Variants in ANKHD1 observed in about 807,000 individuals in gnomAD.
The protein encoded by ANKHD1 is ankyrin repeat and KH domain containing 1, also known as ankyrin repeat and KH domain-containing protein 1.
ANKHD1 carries 31 observed loss-of-function variants against 230.5 expected under a neutral mutation model. The ratio of observed to expected loss-of-function variants is 0.13; its 90% CI spans 0.10 to 0.18. The LOEUF (loss-of-function observed/expected upper bound fraction) is 0.18, where lower values mean the gene tolerates loss of function less well. ANKHD1 is among the 10% of genes least tolerant of loss of function. ANKHD1 has a pLI of 1.00. For missense variants in ANKHD1, 2,256 were observed against 3,071.3 expected, an observed-to-expected ratio of 0.73 and a Z score of 6.27; for synonymous variants, 1,074 against 1,117.6, an observed-to-expected ratio of 0.96 and a Z score of 0.78.
Position 140,485,545 on chromosome 5 carries a change from T to C in ANKHD1, c.1999-44T>C. 6.2e-7 allele frequency: 1 copy of C among 1,608,640 alleles called. No homozygotes were observed. Among genetic ancestry groups the C allele is most frequent in the Non-Finnish European group, 8.5e-7 (1 of 1,177,768 alleles). On this transcript the variant is annotated intron_variant, in intron 12 of 33. Transcript: ENST00000360839. The surrounding 1 kb of genome is among the most constrained non-coding windows in gnomAD (Gnocchi z 4.8). ...TGAGTTTTGATTTTATATGAGCTGC[T>C]AAGAAACTATAAAGAATTAATTATC...
rs566691360 is a variant in ANKHD1 at position 140,522,748 on chromosome 5, G to C, written c.4318-1318G>C. On this transcript the variant is annotated intron_variant, in intron 24 of 33. Coordinates refer to ENST00000360839, the MANE Select transcript of ANKHD1 (RefSeq NM_017747.3). ...TATTTGAAGGATTGAAGGAGTGCCA[G>C]ATTGTTTTCCAAAGTGGCTGTACCA... 2.6e-5 allele frequency among the ~76,000 whole-genome samples: 4 copies of C among 152,286 alleles called. No individual in the cohort carries two copies. In the South Asian group the frequency reaches 6.2e-4, roughly 24 times the overall value.
Position 140,402,277 on chromosome 5 carries a change from A to G in ANKHD1, c.306+4A>G. Reference sequence around the variant, plus strand: ...TGACGAGGACGAAGTGTCCGAGGTAAGGCTCCGGGACCCTCGCCTCCCACA... The same window carrying G: ...TGACGAGGACGAAGTGTCCGAGGTAGGGCTCCGGGACCCTCGCCTCCCACA... On this transcript the variant is annotated splice_donor_region_variant and intron_variant, in intron 1 of 33. Coordinates refer to ENST00000360839, the MANE Select transcript of ANKHD1 (RefSeq NM_017747.3). 2.7e-6 allele frequency: 4 copies of G among 1,479,520 alleles called. No individual in the cohort carries two copies. Among genetic ancestry groups the G allele is most frequent in the South Asian group, 1.3e-5 (1 of 77,052 alleles). 91.6% of individuals were successfully genotyped at this position (1,479,520 alleles called of 1,614,324 possible). A position where few individuals can be genotyped will look rare whatever the true frequency, so the allele number is the denominator to read the frequency against.
At chr5:140,450,652 G>A (rs1004687787) in intron 7 of ANKHD1, among the ~76,000 whole-genome samples, 9 of 151,952 alleles carry the variant, frequency 5.9e-5, no homozygotes, top group East Asian at 5.8e-4. Flanking sequence ...CAGTCCTCTC[G>A]CCTCAGCTTC....
chr5:140,510,297 T>C (rs1752702494), intron 22 of ANKHD1, 116 bp downstream of exon 22: 5 of 1,154,342 alleles, frequency 4.3e-6, no homozygotes, highest in Middle Eastern at 4.5e-4. Flanking sequence ...AAATCACTGC[T>C]ATCTTTCCAT....
chr5:140,432,854 C>G (rs1350916995), intron 1 of ANKHD1, among the ~76,000 whole-genome samples: 1 of 152,038 alleles, frequency 6.6e-6, no homozygotes, highest in East Asian at 1.9e-4. Flanking sequence ...CAGTTTTATG[C>G]CATGACGCTA....
At chr5:140,458,080 A>G (rs1199056335) in intron 7 of ANKHD1, among the ~76,000 whole-genome samples, 1 of 152,224 alleles carries the variant, frequency 6.6e-6, no homozygotes, top group African/African-American at 2.4e-5. Context: ...TAGGAAAAAT[A>G]TAGGATGGTG....
intron 1 of ANKHD1, among the ~76,000 whole-genome samples, chr5:140,433,066 A>ACC (rs1773178859): frequency 1.4e-5 from 2 of 141,474 alleles, no homozygotes; most frequent in African/African-American, 5.7e-5. Context: ...CCCCCCCCAA[A>ACC]AAAAAAACGG....
chr5:140,428,958 G>A (rs957391812), intron 1 of ANKHD1, among the ~76,000 whole-genome samples: 8 of 151,380 alleles, frequency 5.3e-5, no homozygotes, highest in African/African-American at 1.5e-4. Context: ...AATTTTTTTT[G>A]TATTTTTAGT....
intron 1 of ANKHD1, among the ~76,000 whole-genome samples, chr5:140,417,040 G>A (rs901726213): frequency 1.3e-5 from 2 of 152,086 alleles, no homozygotes; most frequent in African/African-American, 4.8e-5. Context: ...CTATGATGGA[G>A]AGGCTGCCAG....
Position 140,527,740 on chromosome 5 carries a change from CTT to C in ANKHD1, c.5088-130_5088-129del. On this transcript the variant is annotated intron_variant, in intron 27 of 33. Transcript: ENST00000360839. The surrounding 1 kb of genome is among the most constrained non-coding windows in gnomAD (Gnocchi z 4.5). ...AAGAGATCAATTTCTAAAATAAAAA[CTT>C]TTAATAATTTCCTCTTTAGCATTTA... 1 of 1,156,044 alleles carries C rather than the reference CTT, an allele frequency of 8.7e-7. No homozygotes were observed. The highest frequency in any genetic ancestry group is 3.0e-5 in the East Asian group (1 of 33,892). 71.6% of individuals were successfully genotyped at this position (1,156,044 alleles called of 1,614,324 possible).
At chr5:140,471,466 A>G (rs1776492767) in intron 10 of ANKHD1, among the ~76,000 whole-genome samples, 1 of 152,186 alleles carries the variant, frequency 6.6e-6, no homozygotes, top group South Asian at 2.1e-4. Flanking sequence ...AGTGAGCCTT[A>G]ACAGTTAGCT....
chr5:140,506,986 T>C lies in ANKHD1; in HGVS notation c.3551+9T>C. 1 of 1,611,758 alleles carries C rather than the reference T, an allele frequency of 6.2e-7. No homozygotes were observed. Among genetic ancestry groups the C allele is most frequent in the Non-Finnish European group, 8.5e-7 (1 of 1,179,278 alleles). ...GCAGAAATTAATTCAAGGTATTGCC[T>C]GTTCATTTTATTGTTCATGTTTAGT... On this transcript the variant is annotated intron_variant, in intron 19 of 33. Coordinates refer to ENST00000360839, the MANE Select transcript of ANKHD1 (RefSeq NM_017747.3). The surrounding 1 kb of genome is among the most constrained non-coding windows in gnomAD (Gnocchi z 4.7).
intron 10 of ANKHD1, chr5:140,465,109 A>C (rs181813877): frequency 6.2e-6 from 1 of 160,150 alleles, no homozygotes; most frequent in East Asian, 1.7e-4. Flanking sequence ...TAACAAGTCA[A>C]GTCACTTTGA....
At chr5:140,468,972 A>C (rs1455834059) in intron 10 of ANKHD1, among the ~76,000 whole-genome samples, 2 of 152,142 alleles carry the variant, frequency 1.3e-5, no homozygotes, top group Non-Finnish European at 1.5e-5. Flanking sequence ...TCCACATCTG[A>C]AATTTTGATA....
rs184242342 is a variant in ANKHD1, at chr5:140,446,010, T to C, written c.1147+35T>C. 1.9e-3 allele frequency: 2,863 copies of C among 1,517,346 alleles called. 12 individuals carry two copies. Among genetic ancestry groups the C allele is most frequent in the Middle Eastern group, 4.2e-3 (24 of 5,714 alleles). 94.0% of individuals were successfully genotyped at this position (1,517,346 alleles called of 1,614,324 possible). A position where few individuals can be genotyped will look rare whatever the true frequency, so the allele number is the denominator to read the frequency against. On this transcript the variant is annotated intron_variant, in intron 6 of 33. Transcript: ENST00000360839. ...ACATGTATGAATATTTATAATGTTT[T>C]TCGTAACCACTTTGATTATTTGAGT...
intron 17 of ANKHD1, 76 bp from the exon 18 acceptor site, chr5:140,505,648 T>C (rs1752506005): frequency 6.6e-7 from 1 of 1,510,314 alleles, no homozygotes; most frequent in Non-Finnish European, 8.8e-7. Flanking sequence ...GCTAAAATAC[T>C]AGAGAATTGT....
chr5:140,422,127 GGATT>G (rs1444032012), intron 1 of ANKHD1, among the ~76,000 whole-genome samples: 1 of 152,050 alleles, frequency 6.6e-6, no homozygotes, highest in Non-Finnish European at 1.5e-5. Flanking sequence ...ATTTTAGAGT[GGATT>G]GATTGATTGA....
intron 2 of ANKHD1, among the ~76,000 whole-genome samples, chr5:140,436,938 A>G (rs776001365): frequency 2.0e-5 from 3 of 152,132 alleles, no homozygotes; most frequent in Non-Finnish European, 2.9e-5. Flanking sequence ...TAAATAGCTA[A>G]TTTTTTTATA....
chr5:140,487,392 A>G (rs1228195694), intron 14 of ANKHD1, among the ~76,000 whole-genome samples: 1 of 152,216 alleles, frequency 6.6e-6, no homozygotes, highest in Non-Finnish European at 1.5e-5. Context: ...TAGCTAACCA[A>G]TAGTAAATGA....
Sources: gnomAD v4.1 joint callset for allele counts (sites outside exome capture counted in the v4.1 genomes callset) on GRCh38, gnomAD v4.1.1 for gene constraint, Gnocchi (gnomAD v3.1) non-coding constraint, MANE v1.5 for transcripts, NCBI Gene and HGNC (gene_info 2026-07-23, HGNC 2026-07-21) for gene names.